PPP6C: variants seen among roughly 807,000 people sequenced by gnomAD.
PPP6C encodes the protein protein phosphatase 6 catalytic subunit.
PPP6C carries 11 observed loss-of-function variants against 39.8 expected under a neutral mutation model. The ratio of observed to expected loss-of-function variants is 0.28; its 90% CI spans 0.17 to 0.46. The LOEUF (loss-of-function observed/expected upper bound fraction) is 0.46. PPP6C is among the 20% of genes least tolerant of loss of function. The pLI is 1.00. For synonymous variants in PPP6C, 129 were observed against 130.3 expected, an observed-to-expected ratio of 0.99 and a Z score of 0.07; for missense variants, 211 against 373.9, an observed-to-expected ratio of 0.56 and a Z score of 3.59.
intron 1 of PPP6C, among the ~76,000 whole-genome samples, chr9:125,179,122 G>C (rs1437914772): frequency 6.6e-6 from 1 of 150,454 alleles, no homozygotes; most frequent in South Asian, 2.1e-4. Context: ...GGCAGAGGCA[G>C]GAGAATTGCT....
At chr9:125,163,619 C>T (rs923266844) in intron 2 of PPP6C, among the ~76,000 whole-genome samples, 19 of 151,882 alleles carry the variant, frequency 1.3e-4, no homozygotes, top group Non-Finnish European at 2.2e-4. Flanking sequence ...TTAACAGAGA[C>T]GGGGTTTCAC....
rs1484778447 is a variant in PPP6C at position 125,153,901 on chromosome 9, C to A, written c.459+5G>T. On this transcript the variant is annotated splice_donor_5th_base_variant and intron_variant, in intron 5 of 6. Transcript: ENST00000373547. ...GTACATGAGACTTTAAAAATAGAAA[C>A]TTACAGCTGCTACTGTGAGCATGTC... 1 of 1,593,536 alleles carries A rather than the reference C, an allele frequency of 6.3e-7. No homozygotes were observed. Among genetic ancestry groups the A allele is most frequent in the Non-Finnish European group, 8.6e-7 (1 of 1,162,804 alleles).
At chr9:125,171,008 T>C (rs1345420727) in intron 2 of PPP6C, 77 bp downstream of exon 2, 1 of 966,146 alleles carries the variant, frequency 1.0e-6, no homozygotes, top group Non-Finnish European at 1.5e-6. Flanking sequence ...GTTGTTGTTT[T>C]AATTTTGCAG....
intron 1 of PPP6C, among the ~76,000 whole-genome samples, chr9:125,172,660 CTA>C (rs1829197192): frequency 6.6e-6 from 1 of 151,750 alleles, no homozygotes; most frequent in African/African-American, 2.4e-5. Context: ...TGTATTTTGA[CTA>C]TAGAGTTGGA....
intron 4 of PPP6C, among the ~76,000 whole-genome samples, chr9:125,155,748 C>T (rs2131302620): frequency 6.6e-6 from 1 of 151,586 alleles, no homozygotes; most frequent in Middle Eastern, 3.4e-3. Flanking sequence ...CTAAAAAATA[C>T]AAAAAAATTA....
intron 1 of PPP6C, among the ~76,000 whole-genome samples, chr9:125,184,576 AG>A (rs1829486620): frequency 6.6e-6 from 1 of 151,904 alleles, no homozygotes; most frequent in African/African-American, 2.4e-5. Flanking sequence ...AAAAAAAAGA[AG>A]AAGAAGAAAC....
chr9:125,151,714 T>C, intron 6 of PPP6C: 1 of 339,572 alleles, frequency 2.9e-6, no homozygotes, highest in Non-Finnish European at 5.8e-6. Context: ...ATATCCCACA[T>C]CAGGTATATC....
At position 125,153,738 on chromosome 9, in the gene PPP6C, A is replaced by G; in HGVS notation, c.464T>C (p.Ile155Thr). 6.2e-7 allele frequency: 1 copy of G among 1,613,308 alleles called. No homozygotes were observed. Among genetic ancestry groups the G allele is most frequent in the African/African-American group, 1.3e-5 (1 of 75,062 alleles). The stretch of plus-strand genomic sequence containing the variant: ...ATGGACACACAAAATCTGCTCATCT[A>G]TTAACTAGCAAAAAAGGATAACAAA... ...VFDMLTVAAL[I>T]DEQILCVHGG... is the part of the protein sequence containing the mutation. The change falls in exon 6 of 7, where the codon ATA (isoleucine) becomes ACA (threonine). Residue 155 changes from isoleucine to threonine, a missense_variant. Ile to Thr is a moderately conservative substitution (Grantham distance 89, BLOSUM62 -1). This residue lies in a region of PPP6C where 168 missense variants were observed against 342.6 expected (regional missense o/e 0.49). Transcript: ENST00000373547.
At position 125,173,740 on chromosome 9, in the gene PPP6C, C is replaced by A. The variant is rs187519242; in HGVS notation, c.76-2560G>T. Among the ~76,000 whole-genome samples, 588 of 152,138 alleles carry A rather than the reference C, an allele frequency of 3.9e-3. 3 individuals are homozygous for A. Among genetic ancestry groups the A allele is most frequent in the Admixed American group, 6.5e-3 (99 of 15,282 alleles). On this transcript the variant is annotated intron_variant, in intron 1 of 6. Coordinates refer to ENST00000373547, the MANE Select transcript of PPP6C (RefSeq NM_002721.5). ...TCAAGCCATTCTCCTGCCTCAGCCTCCCGAGTAGCTGGGATTACAGGCATG... is the reference window on the plus strand; with the variant it reads ...TCAAGCCATTCTCCTGCCTCAGCCTACCGAGTAGCTGGGATTACAGGCATG...
At chr9:125,189,042 G>C (rs573177995) in intron 1 of PPP6C, 2 of 934,936 alleles carry the variant, frequency 2.1e-6, no homozygotes, top group Admixed American at 2.2e-5. Context: ...ACTCAGAAAC[G>C]GGATTCACCT....
At chr9:125,154,872 T>C (rs886384354) in intron 4 of PPP6C, among the ~76,000 whole-genome samples, 7 of 152,180 alleles carry the variant, frequency 4.6e-5, no homozygotes, top group African/African-American at 1.7e-4. Context: ...AATTCTCAGT[T>C]GAACACTCTT....
chr9:125,188,896 C>T, intron 1 of PPP6C: 1 of 1,543,356 alleles, frequency 6.5e-7, no homozygotes, highest in South Asian at 1.2e-5. Flanking sequence ...CTTACTTGGA[C>T]TCAGGAGTAA....
At chr9:125,154,949 G>C (rs555639894) in intron 4 of PPP6C, among the ~76,000 whole-genome samples, 1 of 152,276 alleles carries the variant, frequency 6.6e-6, no homozygotes, top group East Asian at 1.9e-4. Context: ...TTGGAATACA[G>C]TGGCACAATC....
intron 2 of PPP6C, among the ~76,000 whole-genome samples, chr9:125,168,287 C>G (rs1207742201): frequency 6.6e-6 from 1 of 152,200 alleles, no homozygotes; most frequent in Non-Finnish European, 1.5e-5. Context: ...AGCTTCAATA[C>G]TTCTCAGCAC....
Position 125,149,941 on chromosome 9 carries a change from TGTAA to T in PPP6C, c.670-24_670-21del, listed in dbSNP as rs1273692227. The stretch of plus-strand genomic sequence containing the variant: ...AACAAACTGCAATTTAGAAAGGCAC[TGTAA>T]GTACTTAGCACTTAAAAAACAATCG... On this transcript the variant is annotated intron_variant, in intron 6 of 6. Transcript: ENST00000373547. The T allele has an allele frequency of 6.2e-7, 1 of 1,609,760 alleles. No individual in the cohort carries two copies. The highest frequency in any genetic ancestry group is 2.2e-5 in the East Asian group (1 of 44,820).
At chr9:125,167,397 A>AAAAAAAC (rs1564152126) in intron 2 of PPP6C, among the ~76,000 whole-genome samples, 1 of 129,518 alleles carries the variant, frequency 7.7e-6, no homozygotes, top group African/African-American at 3.0e-5. Context: ...AAAAAAAAAA[A>AAAAAAAC]AAGAAATAAA....
At chr9:125,152,147 C>T (rs1439041324) in intron 6 of PPP6C, among the ~76,000 whole-genome samples, 1 of 152,098 alleles carries the variant, frequency 6.6e-6, no homozygotes, top group Non-Finnish European at 1.5e-5. Context: ...GGCAGCACAG[C>T]GCAGCAAATG....
chr9:125,182,620 T>C (rs1369652874), intron 1 of PPP6C, among the ~76,000 whole-genome samples: 1 of 151,974 alleles, frequency 6.6e-6, no homozygotes, highest in Admixed American at 6.6e-5. Context: ...CACACGCTTA[T>C]GATCCAGAAG....
At chr9:125,160,734 T>C (rs4837010) in intron 3 of PPP6C, 107 bp downstream of exon 3, 210,157 of 754,682 alleles carry the variant, frequency 0.28, 31,381 homozygotes, top group East Asian at 0.32. Context: ...TTTAATATAC[T>C]GAAATAGGGA....
Sources: gnomAD v4.1 joint callset for allele counts (sites outside exome capture counted in the v4.1 genomes callset) on GRCh38, gnomAD v4.1.1 for gene constraint, gnomAD v4.1.1 regional missense constraint, MANE v1.5 for transcripts, NCBI Gene and HGNC (gene_info 2026-07-23, HGNC 2026-07-21) for gene names.